Variants in CPEB1 observed in about 807,000 individuals in gnomAD.
CPEB1 encodes the protein cytoplasmic polyadenylation element-binding protein 1.
Under a neutral mutation model 65.8 loss-of-function variants are expected in CPEB1, and 7 were observed. The ratio of observed to expected loss-of-function variants is 0.11; its 90% confidence interval spans 0.06 to 0.20. The LOEUF is 0.20. CPEB1 is among the 10% of genes least tolerant of loss of function. The pLI is 1.00. For synonymous variants in CPEB1, 262 were observed against 260.0 expected (o/e 1.01, Z -0.08); for missense variants, 551 against 712.2 (o/e 0.77, Z 2.58).
chr15:82,647,858 G>A (rs2047712974), upstream of CPEB1: 1 of 1,271,164 alleles, frequency 7.9e-7, no homozygotes, highest in Non-Finnish European at 9.9e-7. Context: ...GCTCTTACCA[G>A]CGGGAACGCC....
intron 3 of CPEB1, among the ~76,000 whole-genome samples, chr15:82,585,857 G>A (rs976141888): frequency 2.0e-5 from 3 of 151,714 alleles, no homozygotes; most frequent in African/African-American, 7.3e-5. Flanking sequence ...ACCAACACTG[G>A]TACTATTCAA....
chr15:82,585,296 C>T (rs952354500), intron 3 of CPEB1, among the ~76,000 whole-genome samples: 1 of 152,070 alleles, frequency 6.6e-6, no homozygotes, highest in African/African-American at 2.4e-5. Flanking sequence ...GAAACTAGAC[C>T]ACATTCTCCA....
intron 10 of CPEB1, 52 bp from the exon 11 acceptor site, chr15:82,547,289 CTTTTTT>C (rs71156035): frequency 1.0e-3 from 401 of 389,794 alleles, no homozygotes; most frequent in Middle Eastern, 1.6e-3. Context: ...CCAAATGCTA[CTTTTTT>C]TTTTTTTTTT....
Position 82,552,587 on chromosome 15 carries a change from T to G in CPEB1, c.1174A>C (p.Lys392Gln). Reference sequence around the variant, plus strand: ...GCCTGAAGCAAGGATCGGACAGACTTCTCTAGTTCGAAGACCAGATACACA... The same window carrying G: ...GCCTGAAGCAAGGATCGGACAGACTGCTCTAGTTCGAAGACCAGATACACA... ...GYVYLVFELE[K>Q]SVRSLLQACS... The change falls in exon 9 of 13, where the codon AAG becomes CAG. Residue 392 changes from lysine to glutamine, a missense_variant. By Grantham distance (53) the Lys-to-Gln change is moderately conservative (BLOSUM62 1). Coordinates refer to ENST00000684509, the MANE Select transcript of CPEB1 (RefSeq NM_001365242.1). 1 of 1,614,074 alleles carries G rather than the reference T, an allele frequency of 6.2e-7. No homozygotes were observed. Among genetic ancestry groups the G allele is most frequent in the South Asian group, 1.1e-5 (1 of 91,080 alleles).
intron 4 of CPEB1, among the ~76,000 whole-genome samples, chr15:82,563,529 G>A (rs2038609389): frequency 6.8e-6 from 1 of 146,514 alleles, no homozygotes. Flanking sequence ...TTTGGTAGAG[G>A]CAGGATCTCA....
At chr15:82,585,235 A>G (rs3914699) in intron 3 of CPEB1, among the ~76,000 whole-genome samples, 10,482 of 152,138 alleles carry the variant, frequency 0.069, 503 homozygotes, top group Non-Finnish European at 0.11. Flanking sequence ...CTACCCCCAT[A>G]AATGTACTCA....
intron 3 of CPEB1, among the ~76,000 whole-genome samples, chr15:82,623,670 C>T (rs1399728011): frequency 3.3e-5 from 5 of 152,106 alleles, no homozygotes; most frequent in African/African-American, 4.8e-5. Context: ...AGCGGGACTC[C>T]GTCTCAGGAA....
chr15:82,574,788 C>T (rs968238268), intron 3 of CPEB1, among the ~76,000 whole-genome samples: 8 of 145,370 alleles, frequency 5.5e-5, no homozygotes, highest in African/African-American at 1.0e-4. Context: ...GACTCAACAG[C>T]GCTAAAAAGT....
intron 3 of CPEB1, among the ~76,000 whole-genome samples, chr15:82,602,100 T>C (rs1335933382): frequency 6.6e-6 from 1 of 152,228 alleles, no homozygotes; most frequent in Non-Finnish European, 1.5e-5. Context: ...AAGTAGAGCA[T>C]ATGTTAGACT....
intron 1 of CPEB1, chr15:82,641,514 C>T (rs2047115634): frequency 6.6e-6 from 1 of 152,176 alleles, no homozygotes; most frequent in Admixed American, 6.5e-5. Flanking sequence ...GTACATAAAG[C>T]AGCATATTAT....
intron 9 of CPEB1, among the ~76,000 whole-genome samples, chr15:82,551,286 G>A (rs941803893): frequency 2.6e-5 from 4 of 152,016 alleles, no homozygotes; most frequent in Admixed American, 1.3e-4. Context: ...AAGCTTTAAG[G>A]TTTACAGTAA....
intron 3 of CPEB1, among the ~76,000 whole-genome samples, chr15:82,620,406 C>CT (rs1346343893): frequency 7.1e-6 from 1 of 141,376 alleles, no homozygotes; most frequent in Non-Finnish European, 1.5e-5. Context: ...GTCTGGGCGA[C>CT]AGAGCAAGAC....
intron 3 of CPEB1, among the ~76,000 whole-genome samples, chr15:82,580,050 G>A (rs540896638): frequency 4.9e-4 from 74 of 150,272 alleles, no homozygotes; most frequent in East Asian, 4.0e-4. Context: ...GGCCAGGCGC[G>A]GTGGCTCACA....
At chr15:82,588,430 A>C (rs144940505) in intron 3 of CPEB1, among the ~76,000 whole-genome samples, 120 of 152,324 alleles carry the variant, frequency 7.9e-4, no homozygotes, top group Non-Finnish European at 1.6e-3. Flanking sequence ...AAATATATGC[A>C]CAAATGGTCA....
intron 1 of CPEB1, among the ~76,000 whole-genome samples, chr15:82,646,439 C>T (rs587667292): frequency 1.3e-5 from 2 of 152,252 alleles, no homozygotes; most frequent in East Asian, 3.9e-4. Context: ...CAGTCAGGGC[C>T]GGGGCTGCAG....
chr15:82,624,237 G>A (rs1357288922), intron 3 of CPEB1, among the ~76,000 whole-genome samples: 1 of 152,194 alleles, frequency 6.6e-6, no homozygotes, highest in Admixed American at 6.5e-5. Context: ...GGAAAGCAGA[G>A]AGAGTTCACC....
chr15:82,583,812 A>G (rs2041513607), intron 3 of CPEB1, among the ~76,000 whole-genome samples: 2 of 152,234 alleles, frequency 1.3e-5, no homozygotes, highest in South Asian at 2.1e-4. Flanking sequence ...AAATGTTTCA[A>G]AACATATAAA....
chr15:82,571,748 C>A, intron 3 of CPEB1: 28 of 1,390,810 alleles, frequency 2.0e-5, no homozygotes, highest in Non-Finnish European at 2.4e-5. Flanking sequence ...ACACCCCTAT[C>A]CCGTCTGCAT....
chr15:82,647,869 A>C (rs2047713723), upstream of CPEB1: 1 of 1,265,588 alleles, frequency 7.9e-7, no homozygotes, highest in Non-Finnish European at 9.9e-7. Flanking sequence ...CGGGAACGCC[A>C]TGGGGCCGGT....
Sources: allele counts gnomAD v4.1 joint callset (sites outside exome capture counted in the v4.1 genomes callset), GRCh38; gene constraint gnomAD v4.1.1; transcripts MANE v1.5; gene names NCBI Gene and HGNC (gene_info 2026-07-23, HGNC 2026-07-21).